CLEC4C: variants seen among roughly 807,000 people sequenced by gnomAD.
CLEC4C encodes the protein C-type (calcium dependent, carbohydrate-recognition domain) lectin, superfamily member 11.
In CLEC4C, 17 loss-of-function variants were observed where a neutral mutation model predicts 27.7. The observed-to-expected ratio is 0.61, with a 90% CI of 0.42 to 0.92. CLEC4C has a LOEUF of 0.92. Among genes scored for constraint, CLEC4C ranks in the 40% least tolerant of loss-of-function variants. The probability of loss-of-function intolerance (pLI) is 0.00; values close to 1 mark genes in which losing one functional copy is unlikely to be tolerated. For missense variants in CLEC4C, 244 were observed against 257.3 expected, an observed-to-expected ratio of 0.95 and a Z score of 0.35; for synonymous variants, 80 against 80.8, an observed-to-expected ratio of 0.99 and a Z score of 0.06.
intron 4 of CLEC4C, among the ~76,000 whole-genome samples, chr12:7,731,921 T>C (rs1864604326): frequency 6.6e-6 from 1 of 152,188 alleles, no homozygotes; most frequent in African/African-American, 2.4e-5. Context: ...GTTATTGCAC[T>C]CTAGCATGGG....
chr12:7,748,157 G>C (rs753124466), upstream of CLEC4C, among the ~76,000 whole-genome samples: 5 of 152,248 alleles, frequency 3.3e-5, no homozygotes, highest in South Asian at 8.3e-4. Flanking sequence ...TGGTGAAATA[G>C]ACACTGAGAA....
intron 2 of CLEC4C, among the ~76,000 whole-genome samples, chr12:7,742,854 TAAAC>T (rs907440776): frequency 7.1e-6 from 1 of 139,906 alleles, no homozygotes; most frequent in African/African-American, 2.6e-5. Flanking sequence ...AATAAATAAA[TAAAC>T]GTTATGCTCT....
At chr12:7,732,755 G>A (rs1205575858) in intron 4 of CLEC4C, among the ~76,000 whole-genome samples, 1 of 149,796 alleles carries the variant, frequency 6.7e-6, no homozygotes, top group African/African-American at 2.5e-5. Context: ...GAGGTCAGGA[G>A]ATCAAGACCA....
Position 7,737,440 on chromosome 12 carries a change from T to G in CLEC4C, c.370A>C (p.Arg124=), listed in dbSNP as rs763926863. 1 of 1,612,382 alleles carries G rather than the reference T, an allele frequency of 6.2e-7. No individual in the cohort carries two copies. The highest frequency in any genetic ancestry group is 1.1e-5 in the South Asian group (1 of 90,844). ...CTGTTAGAACATACCTGTTCTTCCC[T>G]GGTGTTGATCACCACCAGATCAGCC... ...MGADLVVINT[R]EEQDFIIQNL... Residue 124 remains arginine, a synonymous_variant, in exon 4 of 6, where the codon AGG becomes CGG. Coordinates refer to ENST00000360345, the MANE Select transcript of CLEC4C (RefSeq NM_001371390.1).
upstream of CLEC4C, chr12:7,749,489 G>A (rs752672175): frequency 4.6e-5 from 7 of 151,972 alleles, no homozygotes; most frequent in South Asian, 6.2e-4. Context: ...TGGGAGGCAG[G>A]GATTGCAGTG....
rs563875432 is a variant in CLEC4C at position 7,739,121 on chromosome 12, C to CT, written c.236-1548dup. 5.8e-3 allele frequency among the ~76,000 whole-genome samples: 877 copies of CT among 150,656 alleles called. 7 individuals carry two copies. The highest frequency in any genetic ancestry group is 9.0e-3 in the Non-Finnish European group (610 of 67,542). ...TAAGTAAAGAATGAATTATTTCATT[C>CT]TTTTTTTTTGAGATGGCATCTCGCT... On this transcript the variant is annotated intron_variant, in intron 3 of 5. Coordinates refer to ENST00000360345, the MANE Select transcript of CLEC4C (RefSeq NM_001371390.1).
intron 2 of CLEC4C, among the ~76,000 whole-genome samples, chr12:7,745,977 A>G (rs1864964457): frequency 1.3e-5 from 2 of 151,842 alleles, no homozygotes; most frequent in South Asian, 4.2e-4. Context: ...GCACTTTGGG[A>G]GGCCAAGGTG....
chr12:7,746,868 A>C (rs1163409395), intron 1 of CLEC4C, among the ~76,000 whole-genome samples: 1 of 151,980 alleles, frequency 6.6e-6, no homozygotes, highest in Non-Finnish European at 1.5e-5. Context: ...CCTGTTGCCC[A>C]GGCTGGAGTG....
upstream of CLEC4C, chr12:7,747,459 G>C: frequency 9.3e-7 from 1 of 1,080,676 alleles, no homozygotes; most frequent in Non-Finnish European, 1.4e-6. Context: ...AACAAGCCAA[G>C]CCCTTAGATC....
intron 2 of CLEC4C, among the ~76,000 whole-genome samples, chr12:7,745,166 T>C (rs1413532524): frequency 6.6e-6 from 1 of 151,996 alleles, no homozygotes; most frequent in East Asian, 1.9e-4. Flanking sequence ...TATTTGAAGA[T>C]AGGGGCTTTG....
At chr12:7,737,632 A>C in intron 3 of CLEC4C, 58 bp from the exon 4 acceptor site, 1 of 1,516,102 alleles carries the variant, frequency 6.6e-7, no homozygotes, top group Non-Finnish European at 9.0e-7. Flanking sequence ...CCTCACATAA[A>C]GTTATAAGCT....
intron 2 of CLEC4C, among the ~76,000 whole-genome samples, chr12:7,744,101 T>A (rs760727291): frequency 2.0e-5 from 3 of 152,168 alleles, no homozygotes; most frequent in Non-Finnish European, 2.9e-5. Flanking sequence ...GAGGGATCCA[T>A]CTGCATCACT....
intron 1 of CLEC4C, among the ~76,000 whole-genome samples, 155 bp downstream of exon 1, chr12:7,747,163 T>G (rs1239862029): frequency 2.0e-5 from 3 of 152,122 alleles, no homozygotes. Context: ...GATCCAAGTA[T>G]CTTGGGTCCA....
intron 4 of CLEC4C, among the ~76,000 whole-genome samples, chr12:7,735,087 G>A (rs977310732): frequency 6.6e-6 from 1 of 151,880 alleles, no homozygotes; most frequent in Non-Finnish European, 1.5e-5. Flanking sequence ...TGTAATCCCA[G>A]CTGGTCAGGA....
rs1238893752 is a variant in CLEC4C at position 7,746,330 on chromosome 12, C to A, written c.124+1G>T. On this transcript the variant is annotated splice_donor_variant, in intron 2 of 5. Coordinates refer to ENST00000360345, the MANE Select transcript of CLEC4C (RefSeq NM_001371390.1). LOFTEE classifies it high-confidence loss of function. ...TGACTGCACTCCAGCCAAGAACTTA[C>A]CCACAGAACTCACAGTGAAACAGAC... The A allele has an allele frequency of 1.2e-6, 2 of 1,603,820 alleles. No homozygotes were observed. Among genetic ancestry groups the A allele is most frequent in the African/African-American group, 2.7e-5 (2 of 74,598 alleles).
Position 7,746,441 on chromosome 12 carries a change from C to T in CLEC4C, c.32-18G>A. On this transcript the variant is annotated intron_variant, in intron 1 of 5. Coordinates refer to ENST00000360345, the MANE Select transcript of CLEC4C (RefSeq NM_001371390.1). The stretch of plus-strand genomic sequence containing the variant: ...TCCTTTCTCTGTCAGATCAGCATGA[C>T]AAATGCACAGTCATAATCCCCACTG... 1 of 1,542,560 alleles carries T rather than the reference C, an allele frequency of 6.5e-7. No individual in the cohort carries two copies. The highest frequency in any genetic ancestry group is 9.0e-7 in the Non-Finnish European group (1 of 1,115,684).
intron 4 of CLEC4C, 22 bp from the exon 5 acceptor site, chr12:7,730,934 G>C: frequency 3.9e-6 from 5 of 1,281,468 alleles, no homozygotes; most frequent in Non-Finnish European, 5.7e-6. Flanking sequence ...AAATGGAAGA[G>C]TCATAGCTGA....
intron 4 of CLEC4C, among the ~76,000 whole-genome samples, chr12:7,736,717 G>A (rs1479739029): frequency 6.6e-6 from 1 of 151,770 alleles, no homozygotes; most frequent in Non-Finnish European, 1.5e-5. Flanking sequence ...GACCATCCTG[G>A]CTAACACAGT....
At chr12:7,736,622 T>C (rs957593014) in intron 4 of CLEC4C, among the ~76,000 whole-genome samples, 6 of 151,996 alleles carry the variant, frequency 3.9e-5, no homozygotes, top group African/African-American at 1.4e-4. Context: ...ATTAAAGTTA[T>C]TGTTAGCCAG....
Sources: gnomAD v4.1 joint callset for allele counts (sites outside exome capture counted in the v4.1 genomes callset) on GRCh38, gnomAD v4.1.1 for gene constraint, MANE v1.5 for transcripts, NCBI Gene and HGNC (gene_info 2026-07-23, HGNC 2026-07-21) for gene names.